The following SBNO1 variants were observed in gnomAD, a reference collection of about 807,000 sequenced individuals.
The protein encoded by SBNO1 is protein strawberry notch homolog 1.
In SBNO1, 23 loss-of-function variants were observed where a neutral mutation model predicts 173.6. The ratio of observed to expected loss-of-function variants is 0.13; its 90% CI spans 0.10 to 0.19. The LOEUF (loss-of-function observed/expected upper bound fraction) is 0.19, where lower values mean the gene tolerates loss of function less well. Ranked by LOEUF, SBNO1 falls within the 10% of genes least tolerant of loss-of-function variation. The pLI is 1.00. For missense variants in SBNO1, 1,238 were observed against 1,671.2 expected, an observed-to-expected ratio of 0.74 and a Z score of 4.52; for synonymous variants, 632 against 571.5, an observed-to-expected ratio of 1.11 and a Z score of -1.51.
At chr12:123,336,312 T>C (rs1302388801) in intron 6 of SBNO1, 83 bp downstream of exon 6, 2 of 898,962 alleles carry the variant, frequency 2.2e-6, no homozygotes, top group Non-Finnish European at 3.5e-6. Context: ...TCTAAATTTA[T>C]ATGGAAAAAA....
At chr12:123,336,605 C>T (rs751297941) in intron 5 of SBNO1, 114 bp from the exon 6 acceptor site, 17 of 652,372 alleles carry the variant, frequency 2.6e-5, no homozygotes, top group Admixed American at 2.2e-4. Context: ...GGAAACATGA[C>T]GCGCCACCTC....
chr12:123,361,665 G>A (rs185595210), intron 1 of SBNO1, among the ~76,000 whole-genome samples: 4 of 149,966 alleles, frequency 2.7e-5, no homozygotes, highest in Admixed American at 2.0e-4. Flanking sequence ...ACCAAGGAGC[G>A]GGAGGTTGCA....
In SBNO1 at chr12:123,327,473, G is replaced by C. The variant is rs1870742504; in HGVS notation, c.1645C>G (p.Leu549Val). 1.2e-6 allele frequency: 2 copies of C among 1,613,654 alleles called. No individual in the cohort carries two copies. Among genetic ancestry groups the C allele is most frequent in the Non-Finnish European group, 1.7e-6 (2 of 1,179,762 alleles). ...ATTTTAACGTAGCTCTGAGAAAGAA[G>C]AACTTCCTCAATTTTGAAGGTCACT... ...TGVTFKIEEV[L>V]LSQSYVKMYN... The change falls in exon 13 of 32, where the codon CTT becomes GTT. Residue 549 changes from leucine to valine, a missense_variant. Physicochemically the swap from Leu to Val is conservative, Grantham distance 32. Around this residue, in one of 14 missense-constraint regions of SBNO1, gnomAD observed 182 missense variants for 339.9 expected, o/e 0.54. Transcript: ENST00000602398.
Position 123,289,286 on chromosome 12 carries a change from A to G in SBNO1, c.*6622T>C, listed in dbSNP as rs2048477781. 6.6e-6 allele frequency: 1 copy of G among 152,244 alleles called. No homozygotes were observed. The highest frequency in any genetic ancestry group is 2.4e-5 in the African/African-American group (1 of 41,460). The allele number at this position is 152,244 out of a possible 1,614,324, so 9.4% of individuals were successfully genotyped here. A position where few individuals can be genotyped will look rare whatever the true frequency, so the allele number is the denominator to read the frequency against. On this transcript the variant is annotated 3_prime_UTR_variant, in exon 32 of 32. Transcript: ENST00000602398. Reference sequence around the variant, plus strand: ...CAGTACATTTTTATTGCATGAGACCAAATTTTTCAGTTACATATCAAAAAT... The same window carrying G: ...CAGTACATTTTTATTGCATGAGACCGAATTTTTCAGTTACATATCAAAAAT...
At chr12:123,331,399 T>G in intron 7 of SBNO1, 24 bp from the exon 8 acceptor site, 1 of 1,609,904 alleles carries the variant, frequency 6.2e-7, no homozygotes, top group Non-Finnish European at 8.5e-7. Context: ...GGCTGGTAAT[T>G]AATATAATCC....
chr12:123,320,632 G>A lies in SBNO1; in HGVS notation c.2492-25C>T, dbSNP rs750978712. 41 of 1,601,870 alleles carry A rather than the reference G, an allele frequency of 2.6e-5. No homozygotes were observed. The Admixed American group carries it at 6.3e-4, about 25-fold the overall frequency. ...GCTAGATAAAGAACATTTGCTAAAAGTTAGTACAAAGTTTAAATATTTTTG... is the reference window on the plus strand; with the variant it reads ...GCTAGATAAAGAACATTTGCTAAAAATTAGTACAAAGTTTAAATATTTTTG... On this transcript the variant is annotated intron_variant, in intron 18 of 31. Transcript: ENST00000602398.
At position 123,348,116 on chromosome 12, in the gene SBNO1, T is replaced by C. The variant is rs762758380; in HGVS notation, c.150A>G (p.Ala50=). The part of the protein sequence containing the change: ...PSVQQSVPLS[A]LELGLETEAA... ...CTTCGGTCTCCAAACCTAGTTCTAA[T>C]GCACTAAGTGGCACTGACTGGAGAG... Residue 50 remains alanine, a synonymous_variant, in exon 3 of 32, where the codon GCA becomes GCG. Transcript: ENST00000602398. 3 of 1,608,614 alleles carry C rather than the reference T, an allele frequency of 1.9e-6. No individual in the cohort carries two copies. The highest frequency in any genetic ancestry group is 2.2e-5 in the South Asian group (2 of 90,922).
chr12:123,336,205 C>G (rs1254864795), intron 6 of SBNO1, among the ~76,000 whole-genome samples, 190 bp downstream of exon 6: 1 of 151,928 alleles, frequency 6.6e-6, no homozygotes, highest in Non-Finnish European at 1.5e-5. Context: ...TTACAATTAC[C>G]TTTGATTTTT....
chr12:123,320,973 G>T, intron 17 of SBNO1, 107 bp from the exon 18 acceptor site: 1 of 936,602 alleles, frequency 1.1e-6, no homozygotes, highest in Non-Finnish European at 1.6e-6. Flanking sequence ...ATGTTTCGCT[G>T]TTGTAGCCCA....
intron 28 of SBNO1, among the ~76,000 whole-genome samples, chr12:123,308,236 C>T (rs1424494848): frequency 6.6e-6 from 1 of 152,066 alleles, no homozygotes; most frequent in South Asian, 2.1e-4. Context: ...TGTGTGCGCA[C>T]ACACACCCCT....
At chr12:123,326,031 A>G in intron 14 of SBNO1, 121 bp downstream of exon 14, 1 of 634,908 alleles carries the variant, frequency 1.6e-6, no homozygotes, top group East Asian at 2.8e-5. Flanking sequence ...TAAGAAATGT[A>G]TTTTTTAGAA....
At chr12:123,349,837 C>T (rs577822442) in intron 2 of SBNO1, among the ~76,000 whole-genome samples, 1 of 152,020 alleles carries the variant, frequency 6.6e-6, no homozygotes, top group South Asian at 2.1e-4. Flanking sequence ...ATTGTGAACC[C>T]AGGAGGCAGA....
chr12:123,320,480 G>C lies in SBNO1; in HGVS notation c.2619C>G (p.Thr873=). The stretch of plus-strand genomic sequence containing the variant: ...CAAGTTCATCGATAAGTTCATCCAG[G>C]GTATTAGGGGGGAGGTCTTCAGCTA... ...EKLAEDLPPN[T]LDELIDELGG... The change falls in exon 19 of 32, where the codon ACC becomes ACG. Residue 873 remains threonine (T), a synonymous_variant. Coordinates refer to ENST00000602398, the MANE Select transcript of SBNO1 (RefSeq NM_001167856.3). 2 of 1,613,952 alleles carry C rather than the reference G, an allele frequency of 1.2e-6. No homozygotes were observed. Among genetic ancestry groups the C allele is most frequent in the Admixed American group, 1.7e-5 (1 of 59,980 alleles).
At position 123,336,383 on chromosome 12, in the gene SBNO1, C is replaced by A. The variant is rs1190179388; in HGVS notation, c.748+12G>T. 6.7e-7 allele frequency: 1 copy of A among 1,488,818 alleles called. No homozygotes were observed. Among genetic ancestry groups the A allele is most frequent in the African/African-American group, 1.4e-5 (1 of 71,672 alleles). The allele number at this position is 1,488,818 out of a possible 1,614,324, so 92.2% of individuals were successfully genotyped here. On this transcript the variant is annotated intron_variant, in intron 6 of 31. Coordinates refer to ENST00000602398, the MANE Select transcript of SBNO1 (RefSeq NM_001167856.3). ...CTTTGATGTAAATATCTGACAAATC[C>A]CGAAGACATACATTTTATTGGCATG...
In SBNO1 at chr12:123,313,672, C is replaced by G. The variant is rs751173980; in HGVS notation, c.3168G>C (p.Leu1056Phe). The G allele has an allele frequency of 5.4e-5, 87 of 1,609,638 alleles. No homozygotes were observed. Among genetic ancestry groups the G allele is most frequent in the Non-Finnish European group, 7.1e-5 (83 of 1,176,740 alleles). ...GAGGTGGTGATACCATAGGAGAATC[C>G]AAGTTTACAATGGATTTCATGACAA... ...LEIVMKSIVN[L>F]DSPMVSPPPD... The change falls in exon 24 of 32, where the codon TTG becomes TTC. Residue 1056 changes from leucine to phenylalanine, a missense_variant. Transcript: ENST00000602398.
chr12:123,363,299 G>C (rs1396893472), intron 1 of SBNO1, among the ~76,000 whole-genome samples: 1 of 152,048 alleles, frequency 6.6e-6, no homozygotes, highest in Non-Finnish European at 1.5e-5. Context: ...GCTATCTTCT[G>C]TGCAACGATG....
intron 23 of SBNO1, 106 bp downstream of exon 23, chr12:123,315,267 T>C (rs556086422): frequency 8.8e-6 from 7 of 798,302 alleles, no homozygotes; most frequent in African/African-American, 3.4e-5. Flanking sequence ...AGCAAATGCA[T>C]AGGAGAGGCA....
chr12:123,363,630 C>T (rs572552505), intron 1 of SBNO1, among the ~76,000 whole-genome samples: 307 of 152,288 alleles, frequency 2.0e-3, no homozygotes, highest in African/African-American at 7.0e-3. Flanking sequence ...GGTGCACTTA[C>T]AATTGGCTGC....
chr12:123,358,831 ACAC>A (rs1360136379), intron 1 of SBNO1, among the ~76,000 whole-genome samples: 3 of 151,996 alleles, frequency 2.0e-5, no homozygotes, highest in Admixed American at 2.0e-4. Context: ...AGAAGGTCTG[ACAC>A]CACATCACTC....
Sources: allele counts gnomAD v4.1 joint callset (sites outside exome capture counted in the v4.1 genomes callset), GRCh38; gene constraint gnomAD v4.1.1; regional missense constraint gnomAD v4.1.1; transcripts MANE v1.5; gene names NCBI Gene and HGNC (gene_info 2026-07-23, HGNC 2026-07-21).